ARHGAP6: variants seen among roughly 807,000 people sequenced by gnomAD.
The protein encoded by ARHGAP6 is rho GTPase-activating protein 6.
ARHGAP6 carries 16 observed loss-of-function variants against 55.7 expected under a neutral mutation model. That is an observed-to-expected ratio of 0.29 (90% CI 0.19 to 0.44). ARHGAP6 has a LOEUF of 0.44. Ranked by LOEUF, ARHGAP6 falls within the 20% of genes least tolerant of loss-of-function variation. The pLI, the probability that ARHGAP6 is intolerant of heterozygous loss-of-function variation, is 1.00. For synonymous variants in ARHGAP6, 382 were observed against 360.9 expected (o/e 1.06, Z -0.66); for missense variants, 698 against 808.9 (o/e 0.86, Z 1.66).
At chrX:11,184,930 C>G (rs1249826369) in intron 5 of ARHGAP6, among the ~76,000 whole-genome samples, 1 of 112,073 alleles carries the variant, frequency 8.9e-6, no homozygotes, top group Non-Finnish European at 1.9e-5. Flanking sequence ...TACTATACAC[C>G]TAGGCCATAT....
chrX:11,418,617 TTAAAG>T (rs777073964), intron 1 of ARHGAP6, among the ~76,000 whole-genome samples: 20 of 111,929 alleles, frequency 1.8e-4, no homozygotes, highest in African/African-American at 6.5e-4. Flanking sequence ...CCAGGGCACT[TTAAAG>T]TAATGAACTT....
intron 1 of ARHGAP6, among the ~76,000 whole-genome samples, chrX:11,296,228 T>C (rs2048081690): frequency 8.9e-6 from 1 of 112,444 alleles, no homozygotes; most frequent in Non-Finnish European, 1.9e-5. Flanking sequence ...GGAAGTGTTG[T>C]TTACTTTGCA....
At chrX:11,139,646 T>G in intron 12 of ARHGAP6, 116 bp from the exon 13 acceptor site, 2 of 785,862 alleles carry the variant, frequency 2.5e-6, no homozygotes, top group Non-Finnish European at 1.7e-6. Flanking sequence ...CTTCTAAAAC[T>G]GAAACAGCAC....
chrX:11,664,925 G>GCCCC lies in ARHGAP6; in HGVS notation c.-98_-97insGGGG. 1.1e-6 allele frequency: 1 copy of GCCCC among 900,144 alleles called. No homozygotes were observed. The highest frequency in any genetic ancestry group is 1.5e-6 in the Non-Finnish European group (1 of 663,986). The allele number at this position is 900,144 out of a possible 1,213,427, so 74.2% of individuals were successfully genotyped here. The stretch of plus-strand genomic sequence containing the variant: ...GAAAGGGACTCAGGCAAAGGTGCCA[G>GCCCC]GCGGGGCTGGCCCGGGGTTTGCCCA... On this transcript the variant is annotated 5_prime_UTR_variant, in exon 1 of 13. Coordinates refer to ENST00000337414, the MANE Select transcript of ARHGAP6 (RefSeq NM_013427.3).
intron 1 of ARHGAP6, chrX:11,427,823 AGGAG>A (rs2049902242): frequency 3.5e-6 from 1 of 283,129 alleles, no homozygotes; most frequent in African/African-American, 4.4e-5. Context: ...GAAGAGGAGG[AGGAG>A]GAGGAGGAGG....
At chrX:11,242,029 G>A (rs2047289097) in intron 2 of ARHGAP6, among the ~76,000 whole-genome samples, 1 of 111,441 alleles carries the variant, frequency 9.0e-6, no homozygotes, top group East Asian at 2.8e-4. Flanking sequence ...AGAGAAAGTC[G>A]ACTCTTGGAG....
intron 1 of ARHGAP6, among the ~76,000 whole-genome samples, chrX:11,563,046 T>A (rs189749757): frequency 9.8e-5 from 11 of 111,801 alleles, no homozygotes; most frequent in African/African-American, 3.6e-4. Flanking sequence ...AAATAAAAGT[T>A]TTTTTAAAAG....
intron 2 of ARHGAP6, among the ~76,000 whole-genome samples, chrX:11,238,408 G>A (rs1378801057): frequency 8.9e-6 from 1 of 111,908 alleles, no homozygotes; most frequent in Non-Finnish European, 1.9e-5. Flanking sequence ...TTCTCCTTGG[G>A]TGGGGCAGGA....
intron 1 of ARHGAP6, among the ~76,000 whole-genome samples, chrX:11,585,452 C>T (rs769460550): frequency 4.0e-4 from 45 of 112,038 alleles, no homozygotes; most frequent in African/African-American, 1.5e-3. Context: ...TATTTTTTGA[C>T]TTTTTAGTAA....
At chrX:11,179,474 T>C in intron 6 of ARHGAP6, 22 bp from the exon 7 acceptor site, 2 of 1,199,394 alleles carry the variant, frequency 1.7e-6, no homozygotes, top group Non-Finnish European at 2.2e-6. Context: ...ATGGTTCGAG[T>C]GGCAGTCACA....
At chrX:11,264,799 C>T (rs891784859) in intron 1 of ARHGAP6, among the ~76,000 whole-genome samples, 1 of 111,851 alleles carries the variant, frequency 8.9e-6, no homozygotes, top group African/African-American at 3.2e-5. Flanking sequence ...ATAGATGGTC[C>T]GCTCTCTGCT....
chrX:11,192,501 C>T (rs2046473951), intron 3 of ARHGAP6, among the ~76,000 whole-genome samples: 2 of 111,882 alleles, frequency 1.8e-5, no homozygotes, highest in African/African-American at 3.2e-5. Context: ...AGTACTAGCA[C>T]TCAATGACAA....
intron 1 of ARHGAP6, among the ~76,000 whole-genome samples, chrX:11,408,896 CACACACACACAT>C (rs2049644266): frequency 9.1e-6 from 1 of 109,730 alleles, no homozygotes; most frequent in Admixed American, 9.8e-5. Flanking sequence ...GATCATCACA[CACACACACACAT>C]ACACACACAC....
At chrX:11,408,960 C>A (rs2049646633) in intron 1 of ARHGAP6, among the ~76,000 whole-genome samples, 1 of 110,141 alleles carries the variant, frequency 9.1e-6, no homozygotes, top group African/African-American at 3.3e-5. Context: ...AACCCTCACA[C>A]TGCTTAACTG....
intron 1 of ARHGAP6, chrX:11,290,428 G>A (rs770327978): frequency 1.3e-5 from 5 of 376,415 alleles, no homozygotes; most frequent in East Asian, 7.7e-5. Flanking sequence ...GATGTGTATC[G>A]GAATTCATCG....
chrX:11,503,678 G>A (rs1336867072), intron 1 of ARHGAP6, among the ~76,000 whole-genome samples: 2 of 111,241 alleles, frequency 1.8e-5, no homozygotes, highest in Admixed American at 9.6e-5. Context: ...TCTCTCTCTC[G>A]GATCTTCAGA....
intron 9 of ARHGAP6, among the ~76,000 whole-genome samples, chrX:11,164,363 G>A (rs1259680506): frequency 8.9e-6 from 1 of 111,834 alleles, no homozygotes; most frequent in African/African-American, 3.3e-5. Context: ...GCCCAACCCT[G>A]GCACGTAGAC....
Position 11,138,471 on chromosome X carries a change from G to C in ARHGAP6, c.*392C>G. The C allele has an allele frequency of 7.0e-6, 1 of 142,605 alleles. No homozygotes were observed. Among genetic ancestry groups the C allele is most frequent in the East Asian group, 2.0e-4 (1 of 4,900 alleles). The allele number at this position is 142,605 out of a possible 1,213,427, so 11.8% of individuals were successfully genotyped here. A position where few individuals can be genotyped will look rare whatever the true frequency, so the allele number is the denominator to read the frequency against. On this transcript the variant is annotated 3_prime_UTR_variant, in exon 13 of 13. Coordinates refer to ENST00000337414, the MANE Select transcript of ARHGAP6 (RefSeq NM_013427.3). ...GATTTTTTTTTTAAAAGTTCCTTTT[G>C]TTTTCTCTTTGTGAATATATCATAT... is the stretch of plus-strand genomic sequence containing the variant.
In ARHGAP6 at chrX:11,615,235, G is replaced by A. The variant is rs769666352; in HGVS notation, c.588+49006C>T. ...GCCTTTCTCTGACCTTCCTGTAAACGTCATTTTGCAACCTTCTCTTTGCAT... is the reference window on the plus strand; with the variant it reads ...GCCTTTCTCTGACCTTCCTGTAAACATCATTTTGCAACCTTCTCTTTGCAT... On this transcript the variant is annotated intron_variant, in intron 1 of 12. Coordinates refer to ENST00000337414, the MANE Select transcript of ARHGAP6 (RefSeq NM_013427.3). Among the ~76,000 whole-genome samples, 17 of 111,228 alleles carry A rather than the reference G, an allele frequency of 1.5e-4. No individual in the cohort carries two copies. The East Asian group carries it at 3.9e-3, about 26-fold the overall frequency.
Sources: gnomAD v4.1 joint callset for allele counts (sites outside exome capture counted in the v4.1 genomes callset) on GRCh38, gnomAD v4.1.1 for gene constraint, MANE v1.5 for transcripts, NCBI Gene and HGNC (gene_info 2026-07-23, HGNC 2026-07-21) for gene names.